CIROP: variants seen among roughly 807,000 people sequenced by gnomAD.
CIROP encodes the protein ciliated left-right organizer metallopeptidase, also known as leishmanolysin homolog.
chr14:23,099,573 T>TC, the CIROP span: 1 of 403,456 alleles, frequency 2.5e-6, no homozygotes, highest in Admixed American at 4.5e-5. Context: ...TTTTTTTTTT[T>TC]TTTGGAGACA....
the CIROP span, chr14:23,104,653 G>T: frequency 1.4e-6 from 1 of 702,908 alleles, no homozygotes; most frequent in Non-Finnish European, 2.6e-6. Context: ...GCCAGGGCTC[G>T]GGATCCCCCT....
chr14:23,101,276 C>G, the CIROP span: 9 of 468,386 alleles, frequency 1.9e-5, no homozygotes, highest in East Asian at 2.5e-4. Context: ...GCAACTACTA[C>G]TCTTATGGTA....
the CIROP span, chr14:23,100,505 CTGGGT>C: frequency 2.4e-6 from 1 of 413,386 alleles, no homozygotes; most frequent in Admixed American, 4.4e-5. Context: ...ATCTTACTTG[CTGGGT>C]TGTGTGGTAA....
chr14:23,103,583 A>AAAACAAAACG, the CIROP span: 2 of 627,260 alleles, frequency 3.2e-6, no homozygotes, highest in Non-Finnish European at 5.7e-6. Context: ...AAAACAAAAC[A>AAAACAAAACG]AAACAAAACT....
At chr14:23,103,190 G>A in the CIROP span, 6 of 423,394 alleles carry the variant, frequency 1.4e-5, no homozygotes, top group Admixed American at 4.0e-5. Context: ...GCTGTGGGTG[G>A]GGGTAGCCTT....
the CIROP span, chr14:23,104,689 A>G: frequency 4.3e-6 from 3 of 702,920 alleles, no homozygotes; most frequent in East Asian, 8.0e-5. Context: ...TCAGGATCCC[A>G]AGCTCCATCT....
chr14:23,103,588 A>AAAACAAAACC, the CIROP span: 2 of 631,312 alleles, frequency 3.2e-6, no homozygotes, highest in Non-Finnish European at 5.7e-6. Flanking sequence ...AAAACAAAAC[A>AAAACAAAACC]AAACTGCTTT....
the CIROP span, chr14:23,104,936 C>T: frequency 2.4e-5 from 16 of 680,200 alleles, no homozygotes; most frequent in Middle Eastern, 3.0e-3. Flanking sequence ...TTCTGTGTCT[C>T]TCCGTAGATA....
chr14:23,101,510 C>A, the CIROP span: 3 of 633,592 alleles, frequency 4.7e-6, no homozygotes, highest in Admixed American at 7.1e-5. Flanking sequence ...TAGATCTCCC[C>A]ATGGGGATTA....
chr14:23,104,857 G>A, the CIROP span: 93 of 700,980 alleles, frequency 1.3e-4, 1 homozygote, highest in Middle Eastern at 2.3e-4. Flanking sequence ...TGTAGACATC[G>A]GCTTGCAGCA....
chr14:23,100,706 A>T, the CIROP span: 1 of 399,026 alleles, frequency 2.5e-6, no homozygotes, highest in Non-Finnish European at 4.4e-6. Flanking sequence ...GAATCTTTTA[A>T]TAGAGATATA....
At chr14:23,102,109 T>C in the CIROP span, 1 of 702,948 alleles carries the variant, frequency 1.4e-6, no homozygotes, top group Non-Finnish European at 2.6e-6. Context: ...CCACAACAGC[T>C]CCTCTGCAGC....
the CIROP span, chr14:23,101,227 C>G: frequency 6.7e-6 from 3 of 449,626 alleles, no homozygotes; most frequent in Non-Finnish European, 7.8e-6. Flanking sequence ...GACAGTACCA[C>G]CATACAAGTA....
chr14:23,104,553 C>T, the CIROP span: 5 of 700,608 alleles, frequency 7.1e-6, no homozygotes, highest in African/African-American at 8.7e-5. Context: ...TCCCCTGGAC[C>T]TCTCTGCTCC....
At chr14:23,099,143 C>T in the CIROP span, 1 of 410,580 alleles carries the variant, frequency 2.4e-6, no homozygotes, top group Middle Eastern at 6.3e-4. Flanking sequence ...TTTTTCATTG[C>T]CAGGCTATAT....
the CIROP span, chr14:23,104,567 A>G: frequency 1.4e-6 from 1 of 698,796 alleles, no homozygotes; most frequent in Admixed American, 2.0e-5. Context: ...CTGCTCCTCA[A>G]CCCTCCCTGA....
chr14:23,104,338 G>A, the CIROP span: 1 of 699,042 alleles, frequency 1.4e-6, no homozygotes, highest in Non-Finnish European at 2.6e-6. Flanking sequence ...ACATTTCTAG[G>A]TATCCCTGAA....
chr14:23,101,346 C>G, the CIROP span: 4 of 536,586 alleles, frequency 7.5e-6, no homozygotes, highest in South Asian at 1.2e-4. Flanking sequence ...CCACCTGCAC[C>G]TTGTAAGCTC....
At chr14:23,100,110 C>G in the CIROP span, 1 of 161,124 alleles carries the variant, frequency 6.2e-6, no homozygotes, top group South Asian at 2.0e-4. Context: ...CAAAAATTAG[C>G]TGGCATGGTG....
Sources: gnomAD v4.1 joint callset for allele counts on GRCh38, gnomAD v4.1.1 for gene constraint, MANE v1.5 for transcripts, NCBI Gene and HGNC (gene_info 2026-07-23, HGNC 2026-07-21) for gene names.